Variants in RPL31 observed in about 807,000 individuals in gnomAD.
RPL31 encodes large ribosomal subunit protein eL31.
For synonymous variants in RPL31, 51 were observed against 55.0 expected, an observed-to-expected ratio of 0.93 and a Z score of 0.32; for missense variants, 95 against 164.0, an observed-to-expected ratio of 0.58 and a Z score of 2.30.
chr2:101,010,881 C>G, downstream of RPL31: 1 of 1,305,924 alleles, frequency 7.7e-7, no homozygotes, highest in Non-Finnish European at 1.0e-6. Context: ...GACTCCATCT[C>G]AAAAAAAAAA....
chr2:101,013,940 G>C (rs1378780305), intron 4 of RPL31, among the ~76,000 whole-genome samples: 1 of 152,224 alleles, frequency 6.6e-6, no homozygotes, highest in Non-Finnish European at 1.5e-5. Context: ...AATTATAGCA[G>C]CGAGGCCCTG....
intron 4 of RPL31, among the ~76,000 whole-genome samples, chr2:101,014,326 C>T (rs555814709): frequency 6.6e-6 from 1 of 152,158 alleles, no homozygotes; most frequent in South Asian, 2.1e-4. Context: ...TGCCCATCAT[C>T]GAATCAAACA....
intron 4 of RPL31, among the ~76,000 whole-genome samples, chr2:101,017,306 AT>A (rs2105370355): frequency 6.6e-6 from 1 of 152,328 alleles, no homozygotes; most frequent in East Asian, 1.9e-4. Flanking sequence ...GCATGCTAAA[AT>A]AATGATAAAT....
exon 5 of RPL31, chr2:101,019,704 A>C (rs576200234): frequency 6.6e-6 from 1 of 152,342 alleles, no homozygotes; most frequent in East Asian, 1.9e-4. Flanking sequence ...AAATGCTTCT[A>C]ATAAATCAAT....
At chr2:101,009,614 A>G (rs1679037378), downstream of RPL31, among the ~76,000 whole-genome samples, 1 of 152,080 alleles carries the variant, frequency 6.6e-6, no homozygotes, top group African/African-American at 2.4e-5. Flanking sequence ...CATTTTGATC[A>G]TATATCCAGA....
chr2:101,008,053 C>G (rs780754738), downstream of RPL31: 2 of 1,613,938 alleles, frequency 1.2e-6, no homozygotes, highest in African/African-American at 1.3e-5. Context: ...GGGCGTCTTC[C>G]CAGTGTCTGC....
chr2:101,003,272 G>A lies in RPL31; in HGVS notation c.107+464G>A, dbSNP rs566010868. On this transcript the variant is annotated intron_variant, in intron 2 of 4. Transcript: ENST00000264258. The stretch of plus-strand genomic sequence containing the variant: ...TGTTTTTTCCACAAATAAATGCTTC[G>A]TTGCCTTCAGACTTTGAGTCCAATA... Among the ~76,000 whole-genome samples the A allele has an allele frequency of 1.1e-4, 17 of 151,822 alleles. No individual in the cohort carries two copies. The South Asian group carries it at 2.5e-3, about 22-fold the overall frequency.
intron 4 of RPL31, among the ~76,000 whole-genome samples, chr2:101,012,380 C>G (rs910627221): frequency 6.6e-6 from 1 of 152,220 alleles, no homozygotes; most frequent in Non-Finnish European, 1.5e-5. Flanking sequence ...GAATGAAGCA[C>G]TGACGCATGC....
exon 5 of RPL31, chr2:101,019,171 C>A: frequency 7.9e-7 from 1 of 1,264,528 alleles, no homozygotes; most frequent in Non-Finnish European, 1.1e-6. Flanking sequence ...GAGGGCCAGG[C>A]CTGTTCTACA....
At chr2:101,004,625 T>C in intron 3 of RPL31, 1 of 317,262 alleles carries the variant, frequency 3.2e-6, no homozygotes, top group Non-Finnish European at 5.7e-6. Context: ...TGAGGGTCGC[T>C]CTAGACATCA....
downstream of RPL31, chr2:101,008,321 G>A (rs753448234): frequency 1.2e-5 from 17 of 1,414,296 alleles, no homozygotes; most frequent in Admixed American, 4.4e-4. Context: ...GGGTGGAAGT[G>A]TCATTTTTTT....
At chr2:101,007,444 C>T (rs1363224944), downstream of RPL31, among the ~76,000 whole-genome samples, 1 of 152,146 alleles carries the variant, frequency 6.6e-6, no homozygotes, top group Admixed American at 6.5e-5. Flanking sequence ...GATTCCTGAC[C>T]TCTCCCATTG....
chr2:101,011,342 C>T (rs770699265), downstream of RPL31: 75 of 1,137,170 alleles, frequency 6.6e-5, no homozygotes, highest in Non-Finnish European at 8.5e-5. Context: ...ATTCATTGGA[C>T]GAAGGGAAAA....
intron 4 of RPL31, among the ~76,000 whole-genome samples, chr2:101,018,770 A>G (rs1218817929): frequency 2.0e-5 from 3 of 152,230 alleles, no homozygotes; most frequent in East Asian, 1.9e-4. Flanking sequence ...TCCATTTTCA[A>G]TATAACTTTC....
downstream of RPL31, among the ~76,000 whole-genome samples, chr2:101,009,481 T>C (rs1679023724): frequency 6.6e-6 from 1 of 152,046 alleles, no homozygotes; most frequent in African/African-American, 2.4e-5. Flanking sequence ...GATCCATGGT[T>C]ATTCTGAAAG....
At position 101,006,446 on chromosome 2, in the gene RPL31, A is replaced by G; in HGVS notation, c.*65A>G. On this transcript the variant is annotated 3_prime_UTR_variant, in exon 5 of 5. Coordinates refer to ENST00000264258, the MANE Select transcript of RPL31 (RefSeq NM_000993.5). ...TCATGTTTTTGTTCTTTTTAGTTGC[A>G]ACATAATGTACTTGTATACCCTATC... is the stretch of plus-strand genomic sequence containing the variant. 1 of 1,475,210 alleles carries G rather than the reference A, an allele frequency of 6.8e-7. No homozygotes were observed. The highest frequency in any genetic ancestry group is 9.3e-7 in the Non-Finnish European group (1 of 1,074,130). 91.4% of individuals were successfully genotyped at this position (1,475,210 alleles called of 1,614,324 possible).
intron 4 of RPL31, among the ~76,000 whole-genome samples, chr2:101,017,469 G>C (rs1315429634): frequency 6.6e-6 from 1 of 152,168 alleles, no homozygotes; most frequent in African/African-American, 2.4e-5. Flanking sequence ...TTTTGCTATG[G>C]TGTTTACAAT....
At chr2:101,008,143 C>T, downstream of RPL31, 1 of 1,613,796 alleles carries the variant, frequency 6.2e-7, no homozygotes, top group South Asian at 1.1e-5. Flanking sequence ...AGAGCTGCTG[C>T]CTCGCTGCCC....
In RPL31 at chr2:101,004,278, A is replaced by G. The variant is rs1370624587; in HGVS notation, c.228A>G (p.Gly76=). Residue 76 remains glycine, a synonymous_variant, in exon 3 of 5, where the codon GGA becomes GGG. Coordinates refer to ENST00000264258, the MANE Select transcript of RPL31 (RefSeq NM_000993.5). ...TRLNKAVWAK[G]IRNVPYRIRV... ...TCAACAAAGCTGTCTGGGCCAAAGG[A>G]ATAAGGTGCTAAAGTTATCTGTATT... 1 of 1,613,952 alleles carries G rather than the reference A, an allele frequency of 6.2e-7. No homozygotes were observed. The highest frequency in any genetic ancestry group is 8.5e-7 in the Non-Finnish European group (1 of 1,180,028).
Sources: allele counts gnomAD v4.1 joint callset (sites outside exome capture counted in the v4.1 genomes callset), GRCh38; gene constraint gnomAD v4.1.1; transcripts MANE v1.5; gene names NCBI Gene and HGNC (gene_info 2026-07-23, HGNC 2026-07-21).